Variants in FN1 observed in about 807,000 individuals in gnomAD.
The protein encoded by FN1 is fibronectin 1, also known as fibronectin.
FN1 carries 106 observed loss-of-function variants against 297.3 expected under a neutral mutation model. The ratio of observed to expected loss-of-function variants is 0.36; its 90% CI spans 0.30 to 0.42. FN1 has a LOEUF of 0.42. Ranked by LOEUF, FN1 falls within the 10% of genes least tolerant of loss-of-function variation. FN1 has a pLI of 1.00. For missense variants in FN1, 2,690 were observed against 3,124.9 expected (o/e 0.86, Z 3.32); for synonymous variants, 1,149 against 1,152.6 (o/e 1.00, Z 0.06).
intron 44 of FN1, chr2:215,364,230 C>T (rs1292753452): frequency 2.9e-5 from 5 of 169,800 alleles, no homozygotes; most frequent in Non-Finnish European, 5.2e-5. Flanking sequence ...TAGCACAGTG[C>T]TAGACCTATA....
At chr2:215,417,676 G>C (rs2063633102) in intron 12 of FN1, among the ~76,000 whole-genome samples, 2 of 152,180 alleles carry the variant, frequency 1.3e-5, no homozygotes, top group Admixed American at 6.5e-5. Context: ...GAGCATATCT[G>C]AGGTCAAATT....
intron 28 of FN1, 120 bp downstream of exon 28, chr2:215,386,569 T>C (rs1041502270): frequency 4.7e-4 from 5 of 10,580 alleles, no homozygotes; most frequent in Non-Finnish European, 1.2e-3. Context: ...CAATGATCTA[T>C]TTTTTTTTTT....
chr2:215,398,205 C>G (rs1174592022), intron 21 of FN1, among the ~76,000 whole-genome samples: 1 of 152,222 alleles, frequency 6.6e-6, no homozygotes, highest in Non-Finnish European at 1.5e-5. Flanking sequence ...GAAGGAATGT[C>G]TGAGCTCTCC....
chr2:215,399,503 G>A (rs773458155), intron 20 of FN1, 152 bp from the exon 21 acceptor site: 17 of 654,686 alleles, frequency 2.6e-5, no homozygotes, highest in South Asian at 6.8e-5. Flanking sequence ...AGAATTGGGA[G>A]AGGATCAGGC....
chr2:215,392,818 A>T lies in FN1; in HGVS notation c.4069+113T>A, dbSNP rs1388978944. The T allele has an allele frequency of 3.3e-6, 4 of 1,213,108 alleles. No homozygotes were observed. The East Asian group carries it at 9.3e-5, about 28-fold the overall frequency. 75.1% of individuals were successfully genotyped at this position (1,213,108 alleles called of 1,614,324 possible). Reference sequence around the variant, plus strand: ...TTATCCCCCCAATCCACCCTATCTGAATCTTTGGCCAATTGCTGACTTCCC... The same window carrying T: ...TTATCCCCCCAATCCACCCTATCTGTATCTTTGGCCAATTGCTGACTTCCC... On this transcript the variant is annotated intron_variant, in intron 25 of 45. Transcript: ENST00000354785.
chr2:215,414,046 G>A (rs1163126955), intron 13 of FN1, among the ~76,000 whole-genome samples: 2 of 152,122 alleles, frequency 1.3e-5, no homozygotes, highest in African/African-American at 2.4e-5. Context: ...CGCCTGGGTT[G>A]GTCAAATTTT....
intron 5 of FN1, among the ~76,000 whole-genome samples, chr2:215,428,686 T>C (rs755964316): frequency 2.6e-5 from 4 of 152,236 alleles, no homozygotes; most frequent in Non-Finnish European, 4.4e-5. Context: ...TAGTCATCAC[T>C]GTTTATGGCC....
At position 215,384,094 on chromosome 2, in the gene FN1, ATGG is replaced by A. The variant is rs763614824; in HGVS notation, c.4817_4819del (p.Thr1606del). 1 of 1,614,002 alleles carries A rather than the reference ATGG, an allele frequency of 6.2e-7. No individual in the cohort carries two copies. Among genetic ancestry groups the A allele is most frequent in the Non-Finnish European group, 8.5e-7 (1 of 1,180,014 alleles). On this transcript the variant is annotated inframe_deletion, in exon 30 of 46. Coordinates refer to ENST00000354785, the MANE Select transcript of FN1 (RefSeq NM_212482.4). ...ACGGCCAGTGACAGCATACACAGTG[ATGG>A]TATAATCAACTCCAGGTTTAAGGCC...
At chr2:215,368,228 G>A (rs1248851224) in intron 41 of FN1, among the ~76,000 whole-genome samples, 1 of 152,174 alleles carries the variant, frequency 6.6e-6, no homozygotes, top group South Asian at 2.1e-4. Context: ...ACAGGCACCC[G>A]ACAGGAAGCC....
chr2:215,418,419 C>T (rs920479905), intron 12 of FN1, among the ~76,000 whole-genome samples: 4 of 152,126 alleles, frequency 2.6e-5, no homozygotes, highest in East Asian at 1.9e-4. Flanking sequence ...TAATTTCTGT[C>T]GCATGCAGAT....
chr2:215,396,103 G>C (rs1448801237), intron 23 of FN1, among the ~76,000 whole-genome samples: 1 of 152,184 alleles, frequency 6.6e-6, no homozygotes, highest in African/African-American at 2.4e-5. Context: ...CCTTAGCTCT[G>C]TGCCCCGGCA....
At chr2:215,379,104 T>G in intron 34 of FN1, 26 bp downstream of exon 34, 1 of 1,600,888 alleles carries the variant, frequency 6.2e-7, no homozygotes, top group East Asian at 2.2e-5. Flanking sequence ...CCATCTTTAT[T>G]CCAATGAACA....
Position 215,376,528 on chromosome 2 carries a change from T to C in FN1, c.5857A>G (p.Lys1953Glu), listed in dbSNP as rs765177054. ...ATGGTGTAGCTTCTGACATCTGGCT[T>C]GATGGTTCTCTGGATTGGAGTCTGG... ...NGQTPIQRTI[K>E]PDVRSYTITG... is the part of the protein sequence containing the mutation. The change falls in exon 36 of 46, where the codon AAG (lysine) becomes GAG (glutamate). Residue 1953 changes from lysine (K) to glutamate (E), a missense_variant. Physicochemically the swap from Lys to Glu is moderately conservative, Grantham distance 56. This residue lies in a region of FN1 where 1,743 missense variants were observed against 1,945.2 expected (regional missense o/e 0.90). Transcript: ENST00000354785. The C allele has an allele frequency of 1.2e-6, 2 of 1,614,040 alleles. No homozygotes were observed. The highest frequency in any genetic ancestry group is 4.5e-5 in the East Asian group (2 of 44,892).
In FN1 at chr2:215,373,217, C is replaced by G; in HGVS notation, c.6247+105G>C. 3 of 884,986 alleles carry G rather than the reference C, an allele frequency of 3.4e-6. No homozygotes were observed. The South Asian group carries it at 4.0e-5, about 12-fold the overall frequency. 54.8% of individuals were successfully genotyped at this position (884,986 alleles called of 1,614,324 possible). A position where few individuals can be genotyped will look rare whatever the true frequency, so the allele number is the denominator to read the frequency against. On this transcript the variant is annotated intron_variant, in intron 39 of 45. Coordinates refer to ENST00000354785, the MANE Select transcript of FN1 (RefSeq NM_212482.4). Reference sequence around the variant, plus strand: ...CTATGCTGTTAGATAAAAAAAATCACAAGAAATGCATCAAAACATGGAGAA... The same window carrying G: ...CTATGCTGTTAGATAAAAAAAATCAGAAGAAATGCATCAAAACATGGAGAA...
chr2:215,422,472 G>A (rs1029513559), intron 9 of FN1, among the ~76,000 whole-genome samples: 1 of 151,882 alleles, frequency 6.6e-6, no homozygotes, highest in African/African-American at 2.4e-5. Context: ...TACAGGAAGG[G>A]TTAGGGGATG....
At chr2:215,395,066 T>C (rs2060157928) in intron 23 of FN1, among the ~76,000 whole-genome samples, 1 of 152,158 alleles carries the variant, frequency 6.6e-6, no homozygotes, top group African/African-American at 2.4e-5. Context: ...CCAAATCTCA[T>C]GGTCCTATCA....
intron 24 of FN1, among the ~76,000 whole-genome samples, chr2:215,394,219 A>G (rs1018644445): frequency 2.0e-5 from 3 of 152,200 alleles, no homozygotes; most frequent in African/African-American, 7.2e-5. Flanking sequence ...CTGAGTACAG[A>G]CACGTGACAG....
chr2:215,413,545 A>G (rs1009297076), intron 13 of FN1, among the ~76,000 whole-genome samples: 4 of 152,100 alleles, frequency 2.6e-5, no homozygotes, highest in African/African-American at 9.7e-5. Context: ...ATTCTTGGAG[A>G]CCTCAATCCC....
Position 215,382,230 on chromosome 2 carries a change from C to A in FN1, c.5146G>T (p.Val1716Phe). 1 of 1,613,086 alleles carries A rather than the reference C, an allele frequency of 6.2e-7. No individual in the cohort carries two copies. The highest frequency in any genetic ancestry group is 2.2e-5 in the East Asian group (1 of 44,866). Reference sequence around the variant, plus strand: ...TACGTACTGGTTACTGCAGTCTGAACCAGAGGCTGACTCTCTCCGCTTGGA... The same window carrying A: ...TACGTACTGGTTACTGCAGTCTGAAACAGAGGCTGACTCTCTCCGCTTGGA... ...QNPSGESQPL[V>F]QTAVTNIDRP... The change falls in exon 32 of 46, where the codon GTT becomes TTT. Residue 1716 changes from valine (V) to phenylalanine (F), a missense_variant. By Grantham distance (50) the Val-to-Phe change is conservative (BLOSUM62 -1). Coordinates refer to ENST00000354785, the MANE Select transcript of FN1 (RefSeq NM_212482.4).
Sources: allele counts gnomAD v4.1 joint callset (sites outside exome capture counted in the v4.1 genomes callset), GRCh38; gene constraint gnomAD v4.1.1; regional missense constraint gnomAD v4.1.1; transcripts MANE v1.5; gene names NCBI Gene and HGNC (gene_info 2026-07-23, HGNC 2026-07-21).